The following MFHAS1 variants were observed in gnomAD, a reference collection of about 807,000 sequenced individuals.
The protein encoded by MFHAS1 is multifunctional ROCO family signaling regulator 1.
In MFHAS1, 50 loss-of-function variants were observed where a neutral mutation model predicts 70.4. That is an observed-to-expected ratio of 0.71 (90% confidence interval 0.57 to 0.90). The LOEUF (loss-of-function observed/expected upper bound fraction) is 0.90, where lower values mean the gene tolerates loss of function less well. Among genes scored for constraint, MFHAS1 ranks in the 40% least tolerant of loss-of-function variants. The pLI is 0.00. For missense variants in MFHAS1, 1,795 were observed against 1,347.6 expected, an observed-to-expected ratio of 1.33 and a Z score of -5.20; for synonymous variants, 952 against 620.0, an observed-to-expected ratio of 1.54 and a Z score of -7.96.
At chr8:8,845,176 T>C (rs946115511) in intron 1 of MFHAS1, among the ~76,000 whole-genome samples, 88 of 152,254 alleles carry the variant, frequency 5.8e-4, no homozygotes, top group African/African-American at 2.1e-3. Flanking sequence ...TTTTATGTTC[T>C]GCTTCAACTG....
intron 1 of MFHAS1, among the ~76,000 whole-genome samples, chr8:8,831,911 C>T (rs555448630): frequency 6.6e-6 from 1 of 152,134 alleles, no homozygotes; most frequent in South Asian, 2.1e-4. Flanking sequence ...CGCCCCCAGC[C>T]GTCAATTGAT....
At chr8:8,832,046 GCA>G (rs1439649578) in intron 1 of MFHAS1, among the ~76,000 whole-genome samples, 1 of 48,166 alleles carries the variant, frequency 2.1e-5, no homozygotes, top group East Asian at 3.9e-4. Flanking sequence ...AGGCGCACAT[GCA>G]CGCGCGCGCG....
In MFHAS1 at chr8:8,892,039, C is replaced by G. The variant is rs1810074783; in HGVS notation, c.1020G>C (p.Glu340Asp). The stretch of plus-strand genomic sequence containing the variant: ...GCACGAGCTCCTCCAGGCCGGTCAG[C>G]TCCACGATGGAGTCCGGCAGGTAGC... The part of the protein sequence containing the change: ...RIRYLPDSIV[E>D]LTGLEELVLQ... Residue 340 changes from glutamate (E) to aspartate (D), a missense_variant, in exon 1 of 3, where the codon GAG becomes GAC. Glu to Asp is a conservative substitution (Grantham distance 45). Transcript: ENST00000276282. The surrounding 1 kb of genome is among the most constrained non-coding windows in gnomAD (Gnocchi z 4.7). The G allele has an allele frequency of 6.2e-7, 1 of 1,613,564 alleles. No homozygotes were observed. The highest frequency in any genetic ancestry group is 2.2e-5 in the East Asian group (1 of 44,878).
At chr8:8,852,074 C>A (rs1254281267) in intron 1 of MFHAS1, among the ~76,000 whole-genome samples, 2 of 152,132 alleles carry the variant, frequency 1.3e-5, no homozygotes. Context: ...AAGGAGACCC[C>A]TCTCCAGCAC....
At chr8:8,802,566 C>A (rs1806118688) in intron 1 of MFHAS1, among the ~76,000 whole-genome samples, 1 of 152,168 alleles carries the variant, frequency 6.6e-6, no homozygotes, top group Non-Finnish European at 1.5e-5. Context: ...TACCAACCTC[C>A]CACACTGTGA....
At chr8:8,886,963 C>A (rs1348311757) in intron 1 of MFHAS1, among the ~76,000 whole-genome samples, 2 of 152,150 alleles carry the variant, frequency 1.3e-5, no homozygotes, top group Non-Finnish European at 2.9e-5. Context: ...CCCGCCTCTA[C>A]TAAAAATACA....
At chr8:8,877,429 C>T (rs1655665126) in intron 1 of MFHAS1, among the ~76,000 whole-genome samples, 5 of 151,732 alleles carry the variant, frequency 3.3e-5, no homozygotes, top group Admixed American at 3.3e-4. Context: ...AAACAGCCCA[C>T]AATAAAATGG....
At chr8:8,837,864 T>C (rs1807660472) in intron 1 of MFHAS1, among the ~76,000 whole-genome samples, 1 of 152,138 alleles carries the variant, frequency 6.6e-6, no homozygotes, top group Non-Finnish European at 1.5e-5. Context: ...AAAACAGTAT[T>C]ATGACTGCTC....
intron 1 of MFHAS1, among the ~76,000 whole-genome samples, chr8:8,810,978 C>T (rs769329231): frequency 2.0e-5 from 3 of 152,112 alleles, no homozygotes; most frequent in African/African-American, 4.8e-5. Flanking sequence ...GGCTTGCAAT[C>T]GGACCCACAG....
chr8:8,784,189 G>C lies in MFHAS1; in HGVS notation c.*1833C>G, dbSNP rs985268732. 1.3e-5 allele frequency: 2 copies of C among 152,030 alleles called. No homozygotes were observed. Among genetic ancestry groups the C allele is most frequent in the Non-Finnish European group, 2.9e-5 (2 of 68,014 alleles). The allele number at this position is 152,030 out of a possible 1,614,324, so 9.4% of individuals were successfully genotyped here. ...GTCAAAGTTGGTTAATTTAACAGTT[G>C]AGGAACCGTCTCATGCCAATTAAAA... On this transcript the variant is annotated 3_prime_UTR_variant, in exon 3 of 3. Transcript: ENST00000276282.
At chr8:8,874,627 C>G (rs1288625179) in intron 1 of MFHAS1, among the ~76,000 whole-genome samples, 1 of 152,024 alleles carries the variant, frequency 6.6e-6, no homozygotes, top group Non-Finnish European at 1.5e-5. Flanking sequence ...ATGGATAGCA[C>G]TTTTTTTATT....
chr8:8,836,568 G>C (rs1807603010), intron 1 of MFHAS1, among the ~76,000 whole-genome samples: 1 of 152,066 alleles, frequency 6.6e-6, no homozygotes, highest in African/African-American at 2.4e-5. Context: ...TGTGGAGGCA[G>C]GGTCTTCCTA....
Position 8,890,423 on chromosome 8 carries a change from T to A in MFHAS1, c.2636A>T (p.Gln879Leu), listed in dbSNP as rs1173000099. 4.3e-6 allele frequency: 7 copies of A among 1,613,994 alleles called. No homozygotes were observed. The highest frequency in any genetic ancestry group is 1.1e-5 in the South Asian group (1 of 91,084). The change falls in exon 1 of 3, where the codon CAG (glutamine) becomes CTG (leucine). Residue 879 changes from glutamine (Q) to leucine (L), a missense_variant. By Grantham distance (113) the Gln-to-Leu change is moderately radical. Coordinates refer to ENST00000276282, the MANE Select transcript of MFHAS1 (RefSeq NM_004225.3). Reference protein sequence around the residue: ...NLAGQSFVAEQLQIEYSFPFT... With the variant: ...NLAGQSFVAELLQIEYSFPFT... ...AGGAAAGCTATATTCAATCTGCAAC[T>A]GCTCAGCCACAAAAGACTGCCCAGC...
intron 1 of MFHAS1, among the ~76,000 whole-genome samples, chr8:8,880,965 T>C (rs1585069971): frequency 6.6e-6 from 1 of 152,158 alleles, no homozygotes; most frequent in African/African-American, 2.4e-5. Flanking sequence ...ATTACAGGTG[T>C]GAGCCATCAC....
chr8:8,798,963 G>A (rs1311064797), intron 1 of MFHAS1, among the ~76,000 whole-genome samples: 2 of 151,828 alleles, frequency 1.3e-5, no homozygotes, highest in South Asian at 2.1e-4. Context: ...CAGGTGAATC[G>A]CTTGAACCCG....
chr8:8,834,215 T>C (rs1398817859), intron 1 of MFHAS1, among the ~76,000 whole-genome samples: 1 of 152,218 alleles, frequency 6.6e-6, no homozygotes, highest in Non-Finnish European at 1.5e-5. Context: ...TTTTATACTA[T>C]GGTGGTCCCA....
At chr8:8,825,541 G>C (rs1108953) in intron 1 of MFHAS1, among the ~76,000 whole-genome samples, 3,373 of 152,196 alleles carry the variant, frequency 0.022, 118 homozygotes, top group African/African-American at 0.077. Flanking sequence ...TGGCAGGGTT[G>C]GTTTCTTCTG....
intron 1 of MFHAS1, among the ~76,000 whole-genome samples, chr8:8,811,921 C>A (rs978859513): frequency 6.6e-6 from 1 of 152,170 alleles, no homozygotes; most frequent in Non-Finnish European, 1.5e-5. Context: ...CAAGTCACCA[C>A]CTAGGAAGCT....
intron 1 of MFHAS1, among the ~76,000 whole-genome samples, chr8:8,828,824 G>T (rs1383192820): frequency 6.6e-6 from 1 of 152,166 alleles, no homozygotes; most frequent in African/African-American, 2.4e-5. Context: ...GAGGGGACAG[G>T]ATTTGCTGCT....
Sources: allele counts gnomAD v4.1 joint callset (sites outside exome capture counted in the v4.1 genomes callset), GRCh38; gene constraint gnomAD v4.1.1; non-coding constraint Gnocchi (gnomAD v3.1); transcripts MANE v1.5; gene names NCBI Gene and HGNC (gene_info 2026-07-23, HGNC 2026-07-21).